SMIM41: variants seen among roughly 807,000 people sequenced by gnomAD.
SMIM41 encodes the protein small integral membrane protein 41.
chr12:52,101,000 C>A (rs1778011249), intron 2 of SMIM41, among the ~76,000 whole-genome samples: 1 of 151,986 alleles, frequency 6.6e-6, no homozygotes, highest in Non-Finnish European at 1.5e-5. Context: ...TATTATTCAG[C>A]CTAAAAAGGA....
intron 2 of SMIM41, among the ~76,000 whole-genome samples, chr12:52,091,663 A>G (rs1430942351): frequency 6.6e-6 from 1 of 152,232 alleles, no homozygotes; most frequent in Non-Finnish European, 1.5e-5. Flanking sequence ...AACAAGTGGA[A>G]CTGCCCCTTA....
chr12:52,091,828 T>C (rs1940009596), intron 2 of SMIM41, among the ~76,000 whole-genome samples: 1 of 152,210 alleles, frequency 6.6e-6, no homozygotes, highest in Non-Finnish European at 1.5e-5. Context: ...GCTGCTGGCG[T>C]GAACAGAAGA....
At chr12:52,087,172 G>A (rs980226491) in intron 2 of SMIM41, among the ~76,000 whole-genome samples, 10 of 152,184 alleles carry the variant, frequency 6.6e-5, no homozygotes, top group African/African-American at 2.4e-4. Context: ...GTGGCCAGAG[G>A]AGGGCCGGGC....
Position 52,107,639 on chromosome 12 carries a change from C to A in SMIM41, c.*456C>A, listed in dbSNP as rs922197397. Reference sequence around the variant, plus strand: ...CAGGCTGCCTGACTCAGAAGTCTCTCTTTGCCATTTTTGGAGGCACGGAAG... The same window carrying A: ...CAGGCTGCCTGACTCAGAAGTCTCTATTTGCCATTTTTGGAGGCACGGAAG... On this transcript the variant is annotated 3_prime_UTR_variant, in exon 3 of 3. Coordinates refer to ENST00000546390, the MANE Select transcript of SMIM41 (RefSeq NM_001369216.1). 11 of 573,688 alleles carry A rather than the reference C, an allele frequency of 1.9e-5. No individual in the cohort carries two copies. Among genetic ancestry groups the A allele is most frequent in the Non-Finnish European group, 3.7e-5 (11 of 298,872 alleles). 35.5% of individuals were successfully genotyped at this position (573,688 alleles called of 1,614,324 possible). A position where few individuals can be genotyped will look rare whatever the true frequency, so the allele number is the denominator to read the frequency against.
At chr12:52,092,120 T>C (rs974946270) in intron 2 of SMIM41, 1 of 152,178 alleles carries the variant, frequency 6.6e-6, no homozygotes, top group Non-Finnish European at 1.5e-5. Context: ...TATGAAAACA[T>C]TGGGAACAGA....
In SMIM41 at chr12:52,081,450, A is replaced by C. The variant is rs1206555408; in HGVS notation, c.*120+1269A>C. 6.6e-6 allele frequency among the ~76,000 whole-genome samples: 1 copy of C among 152,056 alleles called. No homozygotes were observed. The highest frequency in any genetic ancestry group is 1.5e-5 in the Non-Finnish European group (1 of 67,974). On this transcript the variant is annotated intron_variant, in intron 1 of 2. Transcript: ENST00000546390. This position sits in a 1 kb window ranked among gnomAD's most constrained non-coding sequence, Gnocchi z 4.1. Reference sequence around the variant, plus strand: ...GCCCAGCAGCCCAGGATTTGGCACTAATCCTGGGCAGCGGCACCACACTGG... The same window carrying C: ...GCCCAGCAGCCCAGGATTTGGCACTCATCCTGGGCAGCGGCACCACACTGG...
At chr12:52,091,619 G>GA (rs1940005684) in intron 2 of SMIM41, among the ~76,000 whole-genome samples, 1 of 152,180 alleles carries the variant, frequency 6.6e-6, no homozygotes, top group Non-Finnish European at 1.5e-5. Flanking sequence ...TGCACATGGA[G>GA]GACCATGGAG....
At chr12:52,089,459 C>T (rs750634769) in intron 2 of SMIM41, among the ~76,000 whole-genome samples, 12 of 152,008 alleles carry the variant, frequency 7.9e-5, no homozygotes, top group East Asian at 1.9e-4. Flanking sequence ...AAAAATTAGC[C>T]GGGCATGGTG....
Position 52,097,448 on chromosome 12 carries a change from A to G in SMIM41, c.*196-9931A>G, listed in dbSNP as rs188153250. On this transcript the variant is annotated intron_variant, in intron 2 of 2. Transcript: ENST00000546390. The stretch of plus-strand genomic sequence containing the variant: ...CCCTTCCCCATGGATAGCACGAGCC[A>G]CATCGCTGGGGTGTGGACACTCCCC... 2.4e-3 allele frequency among the ~76,000 whole-genome samples: 361 copies of G among 151,998 alleles called. 2 individuals are homozygous for G. Among genetic ancestry groups the G allele is most frequent in the African/African-American group, 8.2e-3 (338 of 41,458 alleles).
At chr12:52,101,992 C>T (rs370464822) in intron 2 of SMIM41, among the ~76,000 whole-genome samples, 117 of 152,242 alleles carry the variant, frequency 7.7e-4, no homozygotes, top group East Asian at 1.2e-3. Flanking sequence ...GGATTACAGG[C>T]GTGAGCAACT....
At chr12:52,100,413 C>A (rs1396303008) in intron 2 of SMIM41, among the ~76,000 whole-genome samples, 1 of 151,964 alleles carries the variant, frequency 6.6e-6, no homozygotes, top group Non-Finnish European at 1.5e-5. Context: ...AAAACAATAT[C>A]ATCGGGGTGA....
chr12:52,092,020 C>T (rs530127969), intron 2 of SMIM41: 4 of 152,338 alleles, frequency 2.6e-5, no homozygotes, highest in Non-Finnish European at 4.4e-5. Context: ...TTTCTCCCAG[C>T]GTGCAGGCGG....
intron 2 of SMIM41, among the ~76,000 whole-genome samples, chr12:52,097,425 C>T (rs1313486369): frequency 6.6e-6 from 1 of 152,004 alleles, no homozygotes; most frequent in Admixed American, 6.6e-5. Context: ...ACCTACCCCC[C>T]TTCCCCATGG....
intron 2 of SMIM41, among the ~76,000 whole-genome samples, chr12:52,088,035 T>C (rs1265914450): frequency 6.6e-6 from 1 of 152,198 alleles, no homozygotes; most frequent in Admixed American, 6.5e-5. Flanking sequence ...CTGAATGCCA[T>C]GTTAATCTGC....
chr12:52,103,441 G>A (rs1042948396), intron 2 of SMIM41, among the ~76,000 whole-genome samples: 3 of 150,730 alleles, frequency 2.0e-5, no homozygotes, highest in Non-Finnish European at 2.9e-5. Context: ...AGAGATTATC[G>A]TCAGTGAAAT....
rs564000603 is a variant in SMIM41, at chr12:52,088,618, C to T, written c.*195+4650C>T. 8.5e-5 allele frequency among the ~76,000 whole-genome samples: 13 copies of T among 152,218 alleles called. No homozygotes were observed. In the East Asian group the frequency reaches 1.3e-3, roughly 16 times the overall value. On this transcript the variant is annotated intron_variant, in intron 2 of 2. Coordinates refer to ENST00000546390, the MANE Select transcript of SMIM41 (RefSeq NM_001369216.1). The stretch of plus-strand genomic sequence containing the variant: ...ACCAAATATGGTCCCTTCTGCCTGA[C>T]GGAAAGCTTTGTTTCATGTCCCCGG...
chr12:52,091,015 T>A (rs34565986), intron 2 of SMIM41, among the ~76,000 whole-genome samples: 1 of 152,218 alleles, frequency 6.6e-6, no homozygotes. Context: ...TTTGTTTTTG[T>A]TATTTTTTTC....
rs1341779271 is a variant in SMIM41 at position 52,107,902 on chromosome 12, G to A, written c.*719G>A. 10 of 292,266 alleles carry A rather than the reference G, an allele frequency of 3.4e-5. 1 individual carries two copies. Among genetic ancestry groups the A allele is most frequent in the South Asian group, 2.3e-4 (7 of 30,186 alleles). 18.1% of individuals were successfully genotyped at this position (292,266 alleles called of 1,614,324 possible). A position where few individuals can be genotyped will look rare whatever the true frequency, so the allele number is the denominator to read the frequency against. On this transcript the variant is annotated 3_prime_UTR_variant, in exon 3 of 3. Transcript: ENST00000546390. ...CCTTTCTCAACTCCCCCATCTTGCC[G>A]TTGTGACACCTTCATCAATAACATA...
chr12:52,086,984 T>G (rs1844967216), intron 2 of SMIM41, among the ~76,000 whole-genome samples: 1 of 152,186 alleles, frequency 6.6e-6, no homozygotes, highest in African/African-American at 2.4e-5. Flanking sequence ...CATCACACCC[T>G]TGAGCAGACT....
Sources: gnomAD v4.1 joint callset for allele counts (sites outside exome capture counted in the v4.1 genomes callset) on GRCh38, gnomAD v4.1.1 for gene constraint, Gnocchi (gnomAD v3.1) non-coding constraint, MANE v1.5 for transcripts, NCBI Gene and HGNC (gene_info 2026-07-23, HGNC 2026-07-21) for gene names.